FUCA2: variants seen among roughly 807,000 people sequenced by gnomAD.
FUCA2 encodes plasma alpha-L-fucosidase.
A neutral mutation model predicts 52.6 loss-of-function variants in FUCA2; 41 were observed. The observed-to-expected ratio is 0.78, with a 90% CI of 0.61 to 1.01. The LOEUF is 1.01. Ranked by LOEUF, FUCA2 falls within the 50% of genes least tolerant of loss-of-function variation. The pLI, the probability that FUCA2 is intolerant of heterozygous loss-of-function variation, is 0.00. For missense variants in FUCA2, 507 were observed against 569.5 expected, an observed-to-expected ratio of 0.89 and a Z score of 1.12; for synonymous variants, 211 against 217.3, an observed-to-expected ratio of 0.97 and a Z score of 0.26.
At chr6:143,496,885 T>C (rs1397362540) in intron 6 of FUCA2, 2 of 152,744 alleles carry the variant, frequency 1.3e-5, no homozygotes, top group Non-Finnish European at 1.5e-5. Context: ...TGCATAGAGA[T>C]ACTGCAGCTG....
In FUCA2 at chr6:143,494,888, G is replaced by A. The variant is rs1264093707; in HGVS notation, c.*819C>T. Reference sequence around the variant, plus strand: ...CCAAAAAGGTTTTAAAAATTAAAACGTTTGTAAAGTTACAGTACACTTATG... The same window carrying A: ...CCAAAAAGGTTTTAAAAATTAAAACATTTGTAAAGTTACAGTACACTTATG... On this transcript the variant is annotated 3_prime_UTR_variant, in exon 7 of 7. Transcript: ENST00000002165. This position sits in a 1 kb window ranked among gnomAD's most constrained non-coding sequence, Gnocchi z 6.6. 2.0e-5 allele frequency: 3 copies of A among 152,188 alleles called. No individual in the cohort carries two copies. Among genetic ancestry groups the A allele is most frequent in the South Asian group, 2.1e-4 (1 of 4,828 alleles). The allele number at this position is 152,188 out of a possible 1,614,324, so 9.4% of individuals were successfully genotyped here. A position where few individuals can be genotyped will look rare whatever the true frequency, so the allele number is the denominator to read the frequency against.
Position 143,503,572 on chromosome 6 carries a change from G to A in FUCA2, c.752+341C>T, listed in dbSNP as rs72992637. Reference sequence around the variant, plus strand: ...TCAGAAGCAAATAGTCAGAAATAGTGATGAAGAAACAGAGTTGTCCCAGAA... The same window carrying A: ...TCAGAAGCAAATAGTCAGAAATAGTAATGAAGAAACAGAGTTGTCCCAGAA... On this transcript the variant is annotated intron_variant, in intron 3 of 6. Coordinates refer to ENST00000002165, the MANE Select transcript of FUCA2 (RefSeq NM_032020.5). This position sits in a 1 kb window ranked among gnomAD's most constrained non-coding sequence, Gnocchi z 4.8. 0.054 allele frequency: 9,731 copies of A among 181,266 alleles called. 404 individuals carry two copies. The highest frequency in any genetic ancestry group is 0.079 in the Non-Finnish European group (6,892 of 87,602). The allele number at this position is 181,266 out of a possible 1,614,324, so 11.2% of individuals were successfully genotyped here.
chr6:143,499,518 T>G lies in FUCA2; in HGVS notation c.1155-2021A>C, dbSNP rs888980192. 2.4e-4 allele frequency among the ~76,000 whole-genome samples: 37 copies of G among 152,038 alleles called. No individual in the cohort carries two copies. Among genetic ancestry groups the G allele is most frequent in the Admixed American group, 2.2e-3 (34 of 15,268 alleles). The stretch of plus-strand genomic sequence containing the variant: ...TTGCCGTGAGCCAAGATCGCACCAG[T>G]GCACTCAAAAAAAGATAGAGAAGAA... On this transcript the variant is annotated intron_variant, in intron 5 of 6. Transcript: ENST00000002165. This position sits in a 1 kb window ranked among gnomAD's most constrained non-coding sequence, Gnocchi z 6.0.
Position 143,502,257 on chromosome 6 carries a change from C to A in FUCA2, c.963+98G>T. On this transcript the variant is annotated intron_variant, in intron 4 of 6. Coordinates refer to ENST00000002165, the MANE Select transcript of FUCA2 (RefSeq NM_032020.5). This position sits in a 1 kb window ranked among gnomAD's most constrained non-coding sequence, Gnocchi z 4.1. Reference sequence around the variant, plus strand: ...GAACAAACACAGGATAGAACAATGTCCTATATTTATAGGCCATTGAGCCAT... The same window carrying A: ...GAACAAACACAGGATAGAACAATGTACTATATTTATAGGCCATTGAGCCAT... 1 of 1,365,922 alleles carries A rather than the reference C, an allele frequency of 7.3e-7. No individual in the cohort carries two copies. The highest frequency in any genetic ancestry group is 1.3e-5 in the South Asian group (1 of 75,058). The allele number at this position is 1,365,922 out of a possible 1,614,324, so 84.6% of individuals were successfully genotyped here.
intron 5 of FUCA2, among the ~76,000 whole-genome samples, chr6:143,498,963 G>GT (rs1379439746): frequency 8.7e-6 from 1 of 115,426 alleles, no homozygotes; most frequent in Non-Finnish European, 1.9e-5. Flanking sequence ...TGGGTTGGCT[G>GT]TGACTATAAA....
intron 1 of FUCA2, among the ~76,000 whole-genome samples, chr6:143,508,368 T>C (rs1267689962): frequency 6.6e-6 from 1 of 152,222 alleles, no homozygotes; most frequent in Admixed American, 6.5e-5. Context: ...CTCCTGCTTT[T>C]TCTATCACCA....
Position 143,503,910 on chromosome 6 carries a change from C to T in FUCA2, c.752+3G>A. On this transcript the variant is annotated splice_donor_region_variant and intron_variant, in intron 3 of 6. Coordinates refer to ENST00000002165, the MANE Select transcript of FUCA2 (RefSeq NM_032020.5). This position sits in a 1 kb window ranked among gnomAD's most constrained non-coding sequence, Gnocchi z 4.8. The stretch of plus-strand genomic sequence containing the variant: ...AACTGCAGCAATCTCATAGCATACA[C>T]ACCTTTCATTATATAACCAGGCCAA... 1 of 1,605,556 alleles carries T rather than the reference C, an allele frequency of 6.2e-7. No individual in the cohort carries two copies.
rs1780661067 is a variant in FUCA2 at position 143,509,970 on chromosome 6, G to C, written c.224+1441C>G. ...GTGCATGAAGAGCACTTTGCCCTTTGTGCTGTTTCTTAGGAGAGAAGATGA... is the reference window on the plus strand; with the variant it reads ...GTGCATGAAGAGCACTTTGCCCTTTCTGCTGTTTCTTAGGAGAGAAGATGA... On this transcript the variant is annotated intron_variant, in intron 1 of 6. Transcript: ENST00000002165. This position sits in a 1 kb window ranked among gnomAD's most constrained non-coding sequence, Gnocchi z 5.4. Among the ~76,000 whole-genome samples, 2 of 152,178 alleles carry C rather than the reference G, an allele frequency of 1.3e-5. No homozygotes were observed. The highest frequency in any genetic ancestry group is 4.8e-5 in the African/African-American group (2 of 41,448).
Position 143,504,009 on chromosome 6 carries a change from T to A in FUCA2, c.656A>T (p.Asn219Ile), listed in dbSNP as rs148846110. ...CGACCACAGAACCTCAGGCTGATAG[T>A]TGTTCACTAACTCATAGAGCTCTGG... ...TLPELYELVN[N>I]YQPEVLWSDG... The change falls in exon 3 of 7, where the codon AAC (asparagine) becomes ATC (isoleucine). Residue 219 changes from asparagine (N) to isoleucine (I), a missense_variant. Coordinates refer to ENST00000002165, the MANE Select transcript of FUCA2 (RefSeq NM_032020.5). This position sits in a 1 kb window ranked among gnomAD's most constrained non-coding sequence, Gnocchi z 4.4. 5.5e-4 allele frequency: 880 copies of A among 1,614,068 alleles called. 1 individual carries two copies. Among genetic ancestry groups the A allele is most frequent in the Non-Finnish European group, 5.7e-4 (670 of 1,180,036 alleles).
rs1432542066 is a variant in FUCA2 at position 143,509,703 on chromosome 6, T to C, written c.224+1708A>G. ...ACAGCCCAAAACATGCAAATAAAGA[T>C]TTGTAACATCTTTTTGAAGTAGCTA... On this transcript the variant is annotated intron_variant, in intron 1 of 6. Coordinates refer to ENST00000002165, the MANE Select transcript of FUCA2 (RefSeq NM_032020.5). This position sits in a 1 kb window ranked among gnomAD's most constrained non-coding sequence, Gnocchi z 5.4. Among the ~76,000 whole-genome samples the C allele has an allele frequency of 6.6e-6, 1 of 152,176 alleles. No homozygotes were observed. The highest frequency in any genetic ancestry group is 1.5e-5 in the Non-Finnish European group (1 of 68,032).
chr6:143,501,776 C>T lies in FUCA2; in HGVS notation c.1154+156G>A, dbSNP rs140859475. Among the ~76,000 whole-genome samples, 743 of 152,270 alleles carry T rather than the reference C, an allele frequency of 4.9e-3. 1 individual carries two copies. The highest frequency in any genetic ancestry group is 7.8e-3 in the Non-Finnish European group (529 of 68,018). On this transcript the variant is annotated intron_variant, in intron 5 of 6. Transcript: ENST00000002165. The surrounding 1 kb of genome is among the most constrained non-coding windows in gnomAD (Gnocchi z 6.1). ...TGTTTCAAAACATGCAAATTCTTCC[C>T]CTTCTCTTTATATTAGAGTAAGCAA... is the stretch of plus-strand genomic sequence containing the variant.
rs759317537 is a variant in FUCA2, at chr6:143,504,210, G to T, written c.455C>A (p.Ala152Asp). ...GTCCCTCTTGGGCCCCTCATCTATG[G>T]CATTCCAGTTCCACGAATATTCTGA... The part of the protein sequence containing the change: ...WGSEYSWNWN[A>D]IDEGPKRDIV... The change falls in exon 3 of 7, where the codon GCC becomes GAC. Residue 152 changes from alanine to aspartate, a missense_variant. Ala to Asp is a moderately radical substitution (Grantham distance 126). Transcript: ENST00000002165. The surrounding 1 kb of genome is among the most constrained non-coding windows in gnomAD (Gnocchi z 4.4). The T allele has an allele frequency of 2.9e-5, 46 of 1,613,918 alleles. No individual in the cohort carries two copies. Among genetic ancestry groups the T allele is most frequent in the East Asian group, 1.6e-4 (7 of 44,900 alleles).
intron 1 of FUCA2, among the ~76,000 whole-genome samples, chr6:143,508,421 A>G (rs1780640764): frequency 6.6e-6 from 1 of 152,258 alleles, no homozygotes; most frequent in Non-Finnish European, 1.5e-5. Flanking sequence ...CAAATCCATA[A>G]TCAGCACTAT....
chr6:143,495,968 CTTTA>C lies in FUCA2; in HGVS notation c.1264-125_1264-122del, dbSNP rs1562662603. The C allele has an allele frequency of 1.2e-5, 11 of 930,586 alleles. No individual in the cohort carries two copies. Among genetic ancestry groups the C allele is most frequent in the Middle Eastern group, 3.4e-4 (1 of 2,912 alleles). 57.6% of individuals were successfully genotyped at this position (930,586 alleles called of 1,614,324 possible). On this transcript the variant is annotated intron_variant, in intron 6 of 6. Coordinates refer to ENST00000002165, the MANE Select transcript of FUCA2 (RefSeq NM_032020.5). This position sits in a 1 kb window ranked among gnomAD's most constrained non-coding sequence, Gnocchi z 5.2. ...TTGTAGACAAGAGGTTCATTTTTAC[CTTTA>C]TTTAGTGATTCACAATCACTCTTCA...
In FUCA2 at chr6:143,511,040, GGCCATTGT is replaced by G. The variant is rs1780675519; in HGVS notation, c.224+363_224+370del. Among the ~76,000 whole-genome samples the G allele has an allele frequency of 6.6e-6, 1 of 152,194 alleles. No individual in the cohort carries two copies. The highest frequency in any genetic ancestry group is 1.5e-5 in the Non-Finnish European group (1 of 68,030). On this transcript the variant is annotated intron_variant, in intron 1 of 6. Coordinates refer to ENST00000002165, the MANE Select transcript of FUCA2 (RefSeq NM_032020.5). The surrounding 1 kb of genome is among the most constrained non-coding windows in gnomAD (Gnocchi z 6.3). Reference sequence around the variant, plus strand: ...GGCAGGTAGCAGCAGAGCAACCATAGGCCATTGTGCCTGAGTCACCGCTCGTGTGATGC... The same window carrying G: ...GGCAGGTAGCAGCAGAGCAACCATAGGCCTGAGTCACCGCTCGTGTGATGC...
At chr6:143,498,039 G>C (rs1212315721) in intron 5 of FUCA2, among the ~76,000 whole-genome samples, 1 of 152,142 alleles carries the variant, frequency 6.6e-6, no homozygotes, top group Non-Finnish European at 1.5e-5. Flanking sequence ...AAAGGAAATT[G>C]AGAGATTATA....
Position 143,497,508 on chromosome 6 carries a change from G to T in FUCA2, c.1155-11C>A, listed in dbSNP as rs770935093. The T allele has an allele frequency of 2.0e-6, 3 of 1,498,492 alleles. No individual in the cohort carries two copies. Among genetic ancestry groups the T allele is most frequent in the African/African-American group, 1.4e-5 (1 of 71,980 alleles). 92.8% of individuals were successfully genotyped at this position (1,498,492 alleles called of 1,614,324 possible). ...GGCTTGGATGTGTACCTGGTTAAAA[G>T]AAAAAAATAAAGAGCATAGTAGCAA... On this transcript the variant is annotated splice_polypyrimidine_tract_variant and intron_variant, in intron 5 of 6. Transcript: ENST00000002165. The surrounding 1 kb of genome is among the most constrained non-coding windows in gnomAD (Gnocchi z 5.3).
In FUCA2 at chr6:143,504,209, G is replaced by A. The variant is rs774280894; in HGVS notation, c.456C>T (p.Ala152=). 3.1e-6 allele frequency: 5 copies of A among 1,614,072 alleles called. No individual in the cohort carries two copies. In the South Asian group the frequency reaches 4.4e-5, roughly 14 times the overall value. Residue 152 remains alanine, a synonymous_variant, in exon 3 of 7, where the codon GCC becomes GCT. Transcript: ENST00000002165. The surrounding 1 kb of genome is among the most constrained non-coding windows in gnomAD (Gnocchi z 4.4). ...TGTCCCTCTTGGGCCCCTCATCTAT[G>A]GCATTCCAGTTCCACGAATATTCTG... ...WGSEYSWNWN[A]IDEGPKRDIV...
chr6:143,496,430 GATAAA>G (rs1780461178), intron 6 of FUCA2: 1 of 152,106 alleles, frequency 6.6e-6, no homozygotes, highest in Non-Finnish European at 1.5e-5. Context: ...AAAGAACATA[GATAAA>G]ATAAAAACAT....
Sources: allele counts gnomAD v4.1 joint callset (sites outside exome capture counted in the v4.1 genomes callset), GRCh38; gene constraint gnomAD v4.1.1; non-coding constraint Gnocchi (gnomAD v3.1); transcripts MANE v1.5; gene names NCBI Gene and HGNC (gene_info 2026-07-23, HGNC 2026-07-21).